HMGB1: variants seen among roughly 807,000 people sequenced by gnomAD.
The protein encoded by HMGB1 is high mobility group protein B1.
For synonymous variants in HMGB1, 81 were observed against 84.0 expected (o/e 0.96, Z 0.19); for missense variants, 79 against 253.5 (o/e 0.31, Z 4.67).
chr13:30,512,016 C>A (rs1008115404), intron 1 of HMGB1, among the ~76,000 whole-genome samples: 1 of 152,034 alleles, frequency 6.6e-6, no homozygotes, highest in Non-Finnish European at 1.5e-5. Flanking sequence ...AATCCACACA[C>A]CATAGACATA....
chr13:30,515,813 G>A (rs1888090223), intron 1 of HMGB1, among the ~76,000 whole-genome samples: 1 of 152,008 alleles, frequency 6.6e-6, no homozygotes. Flanking sequence ...GTAGTTTCAG[G>A]ACACCAAAAA....
intron 1 of HMGB1, among the ~76,000 whole-genome samples, chr13:30,533,605 TCCACCGG>T (rs1566017238): frequency 6.6e-6 from 1 of 152,072 alleles, no homozygotes; most frequent in Non-Finnish European, 1.5e-5. Context: ...CCTCGAGTGA[TCCACCGG>T]CCTCGGCCTC....
At position 30,463,514 on chromosome 13, in the gene HMGB1, G is replaced by C; in HGVS notation, c.150+17C>G. Reference sequence around the variant, plus strand: ...TGTCTTTTAATTACCTTGTTAGCATGTTTTAAGCCCTCTTACCTTCCACCT... The same window carrying C: ...TGTCTTTTAATTACCTTGTTAGCATCTTTTAAGCCCTCTTACCTTCCACCT... On this transcript the variant is annotated intron_variant, in intron 2 of 4. Transcript: ENST00000341423. 1.2e-6 allele frequency: 2 copies of C among 1,605,524 alleles called. No individual in the cohort carries two copies. The highest frequency in any genetic ancestry group is 1.1e-5 in the South Asian group (1 of 89,362).
chr13:30,555,293 G>A (rs1165864326), intron 1 of HMGB1, among the ~76,000 whole-genome samples: 1 of 151,880 alleles, frequency 6.6e-6, no homozygotes, highest in African/African-American at 2.4e-5. Context: ...CGCCCGCCTC[G>A]GCCTCCCAAA....
chr13:30,522,762 T>C (rs1156325768), intron 1 of HMGB1, among the ~76,000 whole-genome samples: 1 of 152,080 alleles, frequency 6.6e-6, no homozygotes, highest in Non-Finnish European at 1.5e-5. Context: ...GACAAGGTCT[T>C]GCTCTATTGC....
intron 1 of HMGB1, among the ~76,000 whole-genome samples, chr13:30,613,115 T>C (rs1950528384): frequency 6.6e-6 from 1 of 152,224 alleles, no homozygotes; most frequent in Non-Finnish European, 1.5e-5. Context: ...GTATGGTCTC[T>C]GTGGTCCAGG....
rs140319004 is a variant in HMGB1, at chr13:30,534,518, G to C, written c.-14-70824C>G. 6.2e-3 allele frequency among the ~76,000 whole-genome samples: 938 copies of C among 150,642 alleles called. 6 individuals carry two copies. Among genetic ancestry groups the C allele is most frequent in the Non-Finnish European group, 9.2e-3 (623 of 67,688 alleles). On this transcript the variant is annotated intron_variant, in intron 1 of 4. Coordinates refer to the HMGB1 transcript ENST00000405805. The stretch of plus-strand genomic sequence containing the variant: ...TGCCCTTAAATTTTTAAATATTCTT[G>C]TCATTCTTTTTGGAAGCACCTATTA...
rs556204237 is a variant in HMGB1, at chr13:30,549,396, A to C, written c.-15+67275T>G. ...CTATCACTCTTACAGTAATAGTGAT[A>C]GTGTTCAGAGTAATAAACAGATTCT... On this transcript the variant is annotated intron_variant, in intron 1 of 4. Transcript: ENST00000405805. Among the ~76,000 whole-genome samples, 3 of 152,330 alleles carry C rather than the reference A, an allele frequency of 2.0e-5. No homozygotes were observed. The South Asian group carries it at 6.2e-4, about 32-fold the overall frequency.
intron 1 of HMGB1, among the ~76,000 whole-genome samples, chr13:30,490,457 T>C (rs1183176769): frequency 6.6e-6 from 1 of 151,858 alleles, no homozygotes; most frequent in African/African-American, 2.4e-5. Context: ...CTGTCTCTAA[T>C]AGAAATGCAA....
chr13:30,587,912 A>G (rs552958285), intron 1 of HMGB1, among the ~76,000 whole-genome samples: 1 of 152,182 alleles, frequency 6.6e-6, no homozygotes, highest in South Asian at 2.1e-4. Flanking sequence ...CTCAATACAT[A>G]ATGACTAATC....
intron 1 of HMGB1, among the ~76,000 whole-genome samples, chr13:30,476,104 G>A (rs370030675): frequency 5.5e-4 from 83 of 149,564 alleles, no homozygotes; most frequent in African/African-American, 1.1e-3. Context: ...TTGTGATATC[G>A]CAGGTGGCAT....
At chr13:30,511,171 CAG>C (rs1364831710) in intron 1 of HMGB1, among the ~76,000 whole-genome samples, 2 of 152,148 alleles carry the variant, frequency 1.3e-5, no homozygotes, top group Non-Finnish European at 2.9e-5. Context: ...TAAAGAAAAA[CAG>C]GGCATCAATG....
intron 1 of HMGB1, among the ~76,000 whole-genome samples, chr13:30,484,880 C>T (rs555545206): frequency 6.6e-6 from 1 of 152,098 alleles, no homozygotes; most frequent in East Asian, 1.9e-4. Flanking sequence ...ATCTTTTATT[C>T]TATAGATTAC....
chr13:30,573,491 T>C (rs1870517556), intron 1 of HMGB1, among the ~76,000 whole-genome samples: 1 of 152,254 alleles, frequency 6.6e-6, no homozygotes, highest in Admixed American at 6.5e-5. Flanking sequence ...AATATTTGAT[T>C]AGTAGACTGA....
chr13:30,538,715 CT>C (rs1566019280), intron 1 of HMGB1, among the ~76,000 whole-genome samples: 1 of 78,854 alleles, frequency 1.3e-5, no homozygotes, highest in Non-Finnish European at 2.6e-5. Context: ...TTCTTTCTTT[CT>C]TCTTTTTCTT....
chr13:30,571,858 C>A (rs1219402759), intron 1 of HMGB1, among the ~76,000 whole-genome samples: 1 of 152,032 alleles, frequency 6.6e-6, no homozygotes, highest in Non-Finnish European at 1.5e-5. Flanking sequence ...TACGTTCCTA[C>A]ACTTATAATG....
intron 1 of HMGB1, among the ~76,000 whole-genome samples, chr13:30,489,468 A>G (rs1887435246): frequency 6.6e-6 from 1 of 152,254 alleles, no homozygotes; most frequent in Admixed American, 6.5e-5. Flanking sequence ...CAAAAAATAC[A>G]GCATGTGTAA....
intron 1 of HMGB1, chr13:30,540,582 CTTTTTT>C (rs373841770): frequency 2.3e-5 from 3 of 132,640 alleles, no homozygotes; most frequent in Non-Finnish European, 3.2e-5. Flanking sequence ...ACACTTTAGT[CTTTTTT>C]TTTTTTTTTT....
At chr13:30,581,805 G>A (rs1870912550) in intron 1 of HMGB1, among the ~76,000 whole-genome samples, 1 of 152,164 alleles carries the variant, frequency 6.6e-6, no homozygotes, top group African/African-American at 2.4e-5. Context: ...TTGTGAACAA[G>A]TGCTCAGCTA....
Sources: allele counts gnomAD v4.1 joint callset (sites outside exome capture counted in the v4.1 genomes callset), GRCh38; gene constraint gnomAD v4.1.1; transcripts MANE v1.5; gene names NCBI Gene and HGNC (gene_info 2026-07-23, HGNC 2026-07-21).